STPG2: variants seen among roughly 807,000 people sequenced by gnomAD.
STPG2 encodes the protein sperm tail PG-rich repeat containing 2.
In STPG2, 56 loss-of-function variants were observed where a neutral mutation model predicts 54.2. That is an observed-to-expected ratio of 1.03 (90% CI 0.83 to 1.29). The LOEUF (loss-of-function observed/expected upper bound fraction) is 1.29, where lower values mean the gene tolerates loss of function less well. STPG2 is among the 50% of genes most tolerant of loss of function. STPG2 has a pLI of 0.00. For synonymous variants in STPG2, 200 were observed against 181.8 expected, an observed-to-expected ratio of 1.10 and a Z score of -0.81; for missense variants, 596 against 544.9, an observed-to-expected ratio of 1.09 and a Z score of -0.93.
chr4:98,120,182 G>C (rs1459617718), intron 3 of STPG2, among the ~76,000 whole-genome samples: 4 of 152,138 alleles, frequency 2.6e-5, no homozygotes, highest in Non-Finnish European at 5.9e-5. Context: ...CCAGGTTCAA[G>C]CGATTCTTCT....
intron 9 of STPG2, among the ~76,000 whole-genome samples, chr4:97,815,226 G>A (rs1452691589): frequency 6.6e-6 from 1 of 152,178 alleles, no homozygotes; most frequent in African/African-American, 2.4e-5. Flanking sequence ...TTACCGGTGT[G>A]TGTGTGTATG....
At chr4:98,003,829 T>A (rs909580524) in intron 5 of STPG2, among the ~76,000 whole-genome samples, 4 of 152,102 alleles carry the variant, frequency 2.6e-5, no homozygotes, top group African/African-American at 9.6e-5. Flanking sequence ...AGAAGGCATA[T>A]AGGTTTGGAG....
intron 9 of STPG2, among the ~76,000 whole-genome samples, chr4:97,820,266 G>A (rs771569535): frequency 1.3e-5 from 2 of 152,020 alleles, no homozygotes; most frequent in Non-Finnish European, 1.5e-5. Context: ...CCACTGACCA[G>A]ACACTCTCCC....
chr4:97,785,554 T>A (rs111343360), intron 9 of STPG2, among the ~76,000 whole-genome samples: 3,078 of 152,178 alleles, frequency 0.02, 97 homozygotes, highest in African/African-American at 0.07. Flanking sequence ...GAATAGGAGA[T>A]TGGATCTCTT....
At chr4:97,449,069 C>T (rs1729300666) in intron 4 of STPG2, among the ~76,000 whole-genome samples, 1 of 151,108 alleles carries the variant, frequency 6.6e-6, no homozygotes, top group Non-Finnish European at 1.5e-5. Context: ...TTAAACTATA[C>T]AAAAGTAAAA....
At chr4:98,108,832 T>C (rs964266270) in intron 4 of STPG2, among the ~76,000 whole-genome samples, 9 of 152,032 alleles carry the variant, frequency 5.9e-5, no homozygotes, top group African/African-American at 1.2e-4. Context: ...TTAATGCATA[T>C]ATAGTAGATA....
chr4:97,566,239 C>T (rs563805103), intron 10 of STPG2, among the ~76,000 whole-genome samples: 1 of 152,306 alleles, frequency 6.6e-6, no homozygotes, highest in Admixed American at 6.5e-5. Context: ...ACCCTCCGAG[C>T]CTGGTGCGGG....
intron 10 of STPG2, among the ~76,000 whole-genome samples, chr4:97,673,120 C>T (rs1722746823): frequency 1.3e-5 from 2 of 152,294 alleles, no homozygotes; most frequent in Admixed American, 6.5e-5. Context: ...CTGATGCAAA[C>T]TGCTAACAAG....
chr4:97,553,100 A>T (rs1372383425), intron 4 of STPG2, among the ~76,000 whole-genome samples: 3 of 152,164 alleles, frequency 2.0e-5, no homozygotes, highest in Non-Finnish European at 2.9e-5. Context: ...GTACATCTCT[A>T]ATTTTCTCTA....
intron 10 of STPG2, among the ~76,000 whole-genome samples, chr4:97,616,055 T>TG (rs1733857865): frequency 1.6e-5 from 1 of 62,908 alleles, no homozygotes; most frequent in Admixed American, 2.2e-4. Flanking sequence ...AAAATACATA[T>TG]AAATATATAT....
chr4:97,998,627 T>C (rs1735316328), intron 5 of STPG2, among the ~76,000 whole-genome samples: 1 of 152,152 alleles, frequency 6.6e-6, no homozygotes, highest in Admixed American at 6.5e-5. Context: ...AACTACTAAT[T>C]AATATTATTG....
chr4:97,576,011 C>T (rs557096954), intron 10 of STPG2, among the ~76,000 whole-genome samples: 1 of 151,966 alleles, frequency 6.6e-6, no homozygotes, highest in South Asian at 2.1e-4. Flanking sequence ...ATCCCATTTA[C>T]CATAGCCACA....
At chr4:97,524,398 C>T (rs1731241011) in intron 4 of STPG2, among the ~76,000 whole-genome samples, 1 of 151,858 alleles carries the variant, frequency 6.6e-6, no homozygotes, top group Admixed American at 6.6e-5. Context: ...TGCTAAATTT[C>T]TTGAAAGCAA....
intron 9 of STPG2, among the ~76,000 whole-genome samples, chr4:97,770,378 T>C (rs1726181188): frequency 6.6e-6 from 1 of 152,204 alleles, no homozygotes; most frequent in East Asian, 1.9e-4. Flanking sequence ...GGTGGATGTT[T>C]GGAGGAAGAA....
chr4:97,728,413 A>G (rs973521792), intron 9 of STPG2, among the ~76,000 whole-genome samples: 2 of 152,054 alleles, frequency 1.3e-5, no homozygotes, highest in African/African-American at 4.8e-5. Context: ...TATTTTTAAA[A>G]TTTCCTATGA....
intron 10 of STPG2, among the ~76,000 whole-genome samples, chr4:97,614,843 G>GT (rs1733819566): frequency 6.6e-6 from 1 of 152,126 alleles, no homozygotes; most frequent in Non-Finnish European, 1.5e-5. Context: ...CAACTTTAAT[G>GT]TTTCAGTCAG....
rs867403298 is a variant in STPG2 at position 97,908,922 on chromosome 4, A to G, written c.1044+34975T>C. Among the ~76,000 whole-genome samples the G allele has an allele frequency of 1.7e-4, 26 of 151,304 alleles. No homozygotes were observed. In the South Asian group the frequency reaches 3.4e-3, roughly 20 times the overall value. On this transcript the variant is annotated intron_variant, in intron 8 of 10. Transcript: ENST00000295268. ...GGCGATATACCTAATGCTAGATGAC[A>G]AGTTAGTGGGTGCAGCGCACCAGCA...
intron 9 of STPG2, among the ~76,000 whole-genome samples, chr4:97,714,180 A>G (rs1724217505): frequency 6.6e-6 from 1 of 152,212 alleles, no homozygotes; most frequent in African/African-American, 2.4e-5. Flanking sequence ...ATAAGCATGC[A>G]ATTCAATCTA....
At chr4:97,874,953 C>T (rs760817169) in intron 8 of STPG2, among the ~76,000 whole-genome samples, 5 of 151,892 alleles carry the variant, frequency 3.3e-5, no homozygotes, top group African/African-American at 4.8e-5. Context: ...AAATAAATGC[C>T]TGTCATTTAA....
Sources: allele counts gnomAD v4.1 joint callset (sites outside exome capture counted in the v4.1 genomes callset), GRCh38; gene constraint gnomAD v4.1.1; transcripts MANE v1.5; gene names NCBI Gene and HGNC (gene_info 2026-07-23, HGNC 2026-07-21).